Variants in SLC9C1 observed in about 807,000 individuals in gnomAD.
The protein encoded by SLC9C1 is solute carrier family 9 member C1, also known as sodium/hydrogen exchanger 10.
A neutral mutation model predicts 140.9 loss-of-function variants in SLC9C1; 97 were observed. The observed-to-expected ratio is 0.69, with a 90% CI of 0.58 to 0.82. SLC9C1 has a LOEUF of 0.82. Among genes scored for constraint, SLC9C1 ranks in the 40% least tolerant of loss-of-function variants. The pLI is 0.00. For missense variants in SLC9C1, 1,340 were observed against 1,389.3 expected (o/e 0.96, Z 0.56); for synonymous variants, 440 against 442.6 (o/e 0.99, Z 0.07).
chr3:112,290,266 G>T (rs13074505), intron 1 of SLC9C1, among the ~76,000 whole-genome samples: 3,347 of 152,242 alleles, frequency 0.022, 55 homozygotes, highest in Non-Finnish European at 0.034. Context: ...ATATAGTTAA[G>T]AAGTCTATTG....
intron 18 of SLC9C1, 48 bp from the exon 19 acceptor site, chr3:112,200,810 T>C (rs375770186): frequency 6.6e-7 from 1 of 1,506,524 alleles, no homozygotes; most frequent in Non-Finnish European, 9.1e-7. Flanking sequence ...CAGACTGTTA[T>C]AAAATGTCCT....
intron 12 of SLC9C1, 49 bp from the exon 13 acceptor site, chr3:112,231,535 ATTG>A (rs144475498): frequency 0.022 from 33,368 of 1,526,876 alleles, 951 homozygotes; most frequent in South Asian, 0.1. Context: ...ATATTAACAT[ATTG>A]TTTAGCAAAA....
intron 23 of SLC9C1, among the ~76,000 whole-genome samples, chr3:112,178,598 A>T (rs2107948403): frequency 6.6e-6 from 1 of 152,318 alleles, no homozygotes; most frequent in Admixed American, 6.5e-5. Flanking sequence ...GAAGAACTTC[A>T]GATTTTTTCT....
chr3:112,207,214 T>C (rs2078078621), intron 16 of SLC9C1, among the ~76,000 whole-genome samples: 1 of 152,196 alleles, frequency 6.6e-6, no homozygotes, highest in South Asian at 2.1e-4. Context: ...AGTGGGAGAT[T>C]TCAAAGATGA....
chr3:112,284,939 CTAAA>C (rs1054205719), intron 2 of SLC9C1, among the ~76,000 whole-genome samples: 8 of 146,874 alleles, frequency 5.4e-5, no homozygotes, highest in African/African-American at 1.8e-4. Flanking sequence ...ATTAAGTATA[CTAAA>C]TAAATATTAG....
intron 18 of SLC9C1, among the ~76,000 whole-genome samples, 159 bp downstream of exon 18, chr3:112,202,091 C>T (rs2077919783): frequency 6.6e-6 from 1 of 151,896 alleles, no homozygotes; most frequent in Non-Finnish European, 1.5e-5. Flanking sequence ...CAGAAGGAGG[C>T]ATTTGAGTAA....
chr3:112,235,630 T>G, intron 12 of SLC9C1, among the ~76,000 whole-genome samples: 2 of 152,094 alleles, frequency 1.3e-5, no homozygotes, highest in Non-Finnish European at 2.9e-5. Context: ...ATAGCTCTTA[T>G]TATTTTGAAA....
At chr3:112,191,951 C>G (rs1452526388) in intron 20 of SLC9C1, among the ~76,000 whole-genome samples, 1 of 151,906 alleles carries the variant, frequency 6.6e-6, no homozygotes, top group African/African-American at 2.4e-5. Context: ...GGACTCAACT[C>G]TATTTCCTTG....
intron 25 of SLC9C1, 80 bp from the exon 26 acceptor site, chr3:112,167,427 G>A: frequency 1.1e-5 from 15 of 1,408,584 alleles, no homozygotes; most frequent in South Asian, 1.5e-5. Context: ...TGCTATTTCT[G>A]GCTTTCTCTA....
At chr3:112,259,261 CAA>C (rs1474042613) in intron 10 of SLC9C1, among the ~76,000 whole-genome samples, 1 of 151,590 alleles carries the variant, frequency 6.6e-6, no homozygotes, top group Non-Finnish European at 1.5e-5. Context: ...CATATGGACA[CAA>C]AGAAGGGAAC....
intron 20 of SLC9C1, among the ~76,000 whole-genome samples, chr3:112,187,457 T>C (rs991298786): frequency 6.6e-6 from 1 of 152,112 alleles, no homozygotes; most frequent in African/African-American, 2.4e-5. Flanking sequence ...TAACCTTCAT[T>C]GAATGTGGTG....
intron 26 of SLC9C1, among the ~76,000 whole-genome samples, chr3:112,155,713 T>C (rs2075109232): frequency 6.6e-6 from 1 of 152,080 alleles, no homozygotes; most frequent in Non-Finnish European, 1.5e-5. Context: ...AGGTGAACCA[T>C]TTGTAGTTTG....
At chr3:112,191,503 G>A (rs905051810) in intron 20 of SLC9C1, among the ~76,000 whole-genome samples, 8 of 152,022 alleles carry the variant, frequency 5.3e-5, no homozygotes, top group Non-Finnish European at 1.2e-4. Flanking sequence ...TTATTGATTT[G>A]TGTATGTCAA....
intron 17 of SLC9C1, among the ~76,000 whole-genome samples, 154 bp from the exon 18 acceptor site, chr3:112,202,553 GTATCTTTATAACT>G (rs1431350328): frequency 6.6e-6 from 1 of 151,694 alleles, no homozygotes; most frequent in Admixed American, 6.6e-5. Context: ...TTTTTTAGTG[GTATCTTTATAACT>G]TCATGACTAT....
intron 20 of SLC9C1, among the ~76,000 whole-genome samples, chr3:112,183,344 C>CTTTTTTTTTTTTTTTTTTTTTTT (rs1159788975): frequency 3.8e-4 from 8 of 20,956 alleles, no homozygotes; most frequent in Admixed American, 7.3e-4. Flanking sequence ...TATTTAGCAC[C>CTTTTTTTTTTTTTTTTTTTTTTT]TTTTCTTTTT....
intron 21 of SLC9C1, 97 bp from the exon 22 acceptor site, chr3:112,180,759 G>A (rs1417254460): frequency 1.3e-5 from 13 of 998,894 alleles, no homozygotes; most frequent in East Asian, 2.9e-5. Context: ...TTTTTGAGAC[G>A]GAGTCTCGCT....
intron 10 of SLC9C1, among the ~76,000 whole-genome samples, chr3:112,251,119 C>G (rs2079444414): frequency 1.3e-5 from 2 of 152,048 alleles, no homozygotes; most frequent in East Asian, 1.9e-4. Context: ...TAGTATGCAC[C>G]TCTATCATGG....
At position 112,275,039 on chromosome 3, in the gene SLC9C1, G is replaced by A. The variant is rs988942906; in HGVS notation, c.485-14C>T. Reference sequence around the variant, plus strand: ...TTCTAGAAAGCCCTACATATGTTGAGGGGGAAAGATGTTTTTTAAAGTGAG... The same window carrying A: ...TTCTAGAAAGCCCTACATATGTTGAAGGGGAAAGATGTTTTTTAAAGTGAG... On this transcript the variant is annotated splice_polypyrimidine_tract_variant and intron_variant, in intron 5 of 28. Coordinates refer to ENST00000305815, the MANE Select transcript of SLC9C1 (RefSeq NM_183061.3). The A allele has an allele frequency of 2.6e-6, 4 of 1,541,542 alleles. No homozygotes were observed. The highest frequency in any genetic ancestry group is 2.8e-5 in the African/African-American group (2 of 70,218).
intron 5 of SLC9C1, among the ~76,000 whole-genome samples, chr3:112,275,947 G>A (rs1390264054): frequency 1.3e-5 from 2 of 151,858 alleles, no homozygotes; most frequent in Non-Finnish European, 2.9e-5. Flanking sequence ...TCCTGCCACC[G>A]CCATGGCAGC....
Sources: allele counts gnomAD v4.1 joint callset (sites outside exome capture counted in the v4.1 genomes callset), GRCh38; gene constraint gnomAD v4.1.1; transcripts MANE v1.5; gene names NCBI Gene and HGNC (gene_info 2026-07-23, HGNC 2026-07-21).